Variants in CDH12 observed in about 807,000 individuals in gnomAD.
The protein encoded by CDH12 is cadherin 12.
CDH12 carries 41 observed loss-of-function variants against 74.1 expected under a neutral mutation model. The observed-to-expected ratio is 0.55, with a 90% confidence interval of 0.43 to 0.72. The LOEUF (loss-of-function observed/expected upper bound fraction) is 0.72, where lower values mean the gene tolerates loss of function less well. Among genes scored for constraint, CDH12 ranks in the 30% least tolerant of loss-of-function variants. The pLI is 0.00. For missense variants in CDH12, 945 were observed against 977.2 expected (o/e 0.97, Z 0.44); for synonymous variants, 399 against 355.0 (o/e 1.12, Z -1.39).
intron 10 of CDH12, among the ~76,000 whole-genome samples, chr5:21,796,392 G>A (rs893846443): frequency 2.0e-5 from 3 of 152,006 alleles, no homozygotes; most frequent in Admixed American, 2.0e-4. Context: ...GGGGAAAAAG[G>A]AATGAATGTA....
At chr5:22,384,347 AC>A (rs1287982008) in intron 3 of CDH12, among the ~76,000 whole-genome samples, 1 of 150,668 alleles carries the variant, frequency 6.6e-6, no homozygotes, top group African/African-American at 2.4e-5. Flanking sequence ...ACACGGTGAA[AC>A]CCCGTCTCTA....
chr5:22,401,817 AAGATGGG>A (rs1319760104), intron 3 of CDH12, among the ~76,000 whole-genome samples: 2 of 152,188 alleles, frequency 1.3e-5, no homozygotes, highest in African/African-American at 4.8e-5. Flanking sequence ...TAAGAGACAG[AAGATGGG>A]AAGACATACA....
intron 4 of CDH12, among the ~76,000 whole-genome samples, chr5:22,178,457 C>G (rs1427427462): frequency 6.6e-6 from 1 of 152,122 alleles, no homozygotes; most frequent in African/African-American, 2.4e-5. Flanking sequence ...TGTAAAACCA[C>G]TTTTCTGTTA....
At chr5:22,181,121 G>T (rs190829563) in intron 4 of CDH12, among the ~76,000 whole-genome samples, 1 of 152,004 alleles carries the variant, frequency 6.6e-6, no homozygotes, top group African/African-American at 2.4e-5. Context: ...GTTGTATACC[G>T]TCTGAATCTC....
At chr5:21,847,225 C>T in intron 7 of CDH12, among the ~76,000 whole-genome samples, 1 of 152,100 alleles carries the variant, frequency 6.6e-6, no homozygotes, top group South Asian at 2.1e-4. Context: ...TCTTCCCCAG[C>T]CAGAAATGTT....
At chr5:22,239,835 C>CT (rs1420878524) in intron 3 of CDH12, among the ~76,000 whole-genome samples, 1 of 152,074 alleles carries the variant, frequency 6.6e-6, no homozygotes, top group East Asian at 1.9e-4. Context: ...AAGAATAACA[C>CT]TTTTTTCCTT....
chr5:21,965,941 A>G (rs1021277332), intron 6 of CDH12, among the ~76,000 whole-genome samples: 17 of 152,174 alleles, frequency 1.1e-4, no homozygotes, highest in African/African-American at 3.9e-4. Context: ...TTTTGCAGAG[A>G]AATTTTTAAA....
intron 5 of CDH12, among the ~76,000 whole-genome samples, chr5:21,983,475 T>C (rs1580066924): frequency 6.6e-6 from 1 of 152,254 alleles, no homozygotes; most frequent in South Asian, 2.1e-4. Flanking sequence ...TTTAGAACAC[T>C]GTCTCCGAGT....
chr5:22,020,134 C>A (rs2150160297), intron 5 of CDH12, among the ~76,000 whole-genome samples: 1 of 152,278 alleles, frequency 6.6e-6, no homozygotes, highest in African/African-American at 2.4e-5. Flanking sequence ...TGCTAATTAT[C>A]ATAACACTAT....
At chr5:22,370,914 TTAAC>T (rs1219092356) in intron 3 of CDH12, among the ~76,000 whole-genome samples, 2 of 152,100 alleles carry the variant, frequency 1.3e-5, no homozygotes, top group African/African-American at 4.8e-5. Context: ...ACTCTCAAGA[TTAAC>T]TAAGAACTGT....
intron 1 of CDH12, among the ~76,000 whole-genome samples, chr5:22,653,144 C>G (rs561188727): frequency 1.3e-5 from 2 of 152,206 alleles, no homozygotes; most frequent in East Asian, 3.9e-4. Flanking sequence ...TTGTCATAAT[C>G]ATCATCATTC....
intron 5 of CDH12, among the ~76,000 whole-genome samples, chr5:22,044,766 G>A (rs1166354478): frequency 6.6e-6 from 1 of 152,134 alleles, no homozygotes; most frequent in Non-Finnish European, 1.5e-5. Flanking sequence ...ACATGCAGAA[G>A]AATAAAACTA....
At chr5:22,221,317 T>C (rs1034773638) in intron 3 of CDH12, among the ~76,000 whole-genome samples, 12 of 151,986 alleles carry the variant, frequency 7.9e-5, no homozygotes, top group Admixed American at 2.0e-4. Flanking sequence ...TCTTGGCCAA[T>C]GTGGTTCGTC....
At chr5:21,942,693 C>T (rs1055743469) in intron 6 of CDH12, among the ~76,000 whole-genome samples, 9 of 151,964 alleles carry the variant, frequency 5.9e-5, no homozygotes, top group Admixed American at 2.0e-4. Flanking sequence ...CAAAGCAATG[C>T]TGGCAATGGA....
intron 5 of CDH12, among the ~76,000 whole-genome samples, chr5:22,037,655 C>A (rs1739283186): frequency 6.6e-6 from 1 of 152,072 alleles, no homozygotes; most frequent in African/African-American, 2.4e-5. Context: ...ACTAATGAAC[C>A]CAGCTAACTC....
intron 3 of CDH12, among the ~76,000 whole-genome samples, chr5:22,226,100 A>G (rs962191669): frequency 1.3e-5 from 2 of 151,882 alleles, no homozygotes; most frequent in African/African-American, 4.8e-5. Context: ...ACATTTATGT[A>G]GAAGTTCAAG....
intron 3 of CDH12, among the ~76,000 whole-genome samples, chr5:22,396,721 C>T (rs1580604885): frequency 6.6e-6 from 1 of 152,066 alleles, no homozygotes; most frequent in Non-Finnish European, 1.5e-5. Flanking sequence ...CTGATTTCAG[C>T]CAGTTTTTAA....
chr5:22,136,803 G>T lies in CDH12; in HGVS notation c.-186-57941C>A, dbSNP rs569023556. ...AAAAATAATGCTGATACCGTAATCA[G>T]ATAGACATAAACAAAAGTGGGAAGA... On this transcript the variant is annotated intron_variant, in intron 4 of 14. Coordinates refer to ENST00000382254, the MANE Select transcript of CDH12 (RefSeq NM_004061.5). 5.6e-3 allele frequency among the ~76,000 whole-genome samples: 849 copies of T among 151,514 alleles called. 7 individuals are homozygous for T. The highest frequency in any genetic ancestry group is 0.018 in the African/African-American group (729 of 41,138).
chr5:21,832,995 TA>T (rs1415214893), intron 8 of CDH12, among the ~76,000 whole-genome samples: 1 of 78,910 alleles, frequency 1.3e-5, no homozygotes, highest in Non-Finnish European at 2.2e-5. Context: ...TATCATATAT[TA>T]ATATATTATA....
Sources: allele counts gnomAD v4.1 joint callset (sites outside exome capture counted in the v4.1 genomes callset), GRCh38; gene constraint gnomAD v4.1.1; transcripts MANE v1.5; gene names NCBI Gene and HGNC (gene_info 2026-07-23, HGNC 2026-07-21).